Variants in WNK3 observed in about 807,000 individuals in gnomAD.
The protein encoded by WNK3 is WNK lysine deficient protein kinase 3.
Under a neutral mutation model 116.7 loss-of-function variants are expected in WNK3, and 18 were observed. That is an observed-to-expected ratio of 0.15 (90% CI 0.11 to 0.23). The LOEUF is 0.23. Among genes scored for constraint, WNK3 ranks in the 10% least tolerant of loss-of-function variants. The pLI is 1.00. For synonymous variants in WNK3, 404 were observed against 469.4 expected, an observed-to-expected ratio of 0.86 and a Z score of 1.80; for missense variants, 993 against 1,323.8, an observed-to-expected ratio of 0.75 and a Z score of 3.88.
exon 2 of WNK3, chrX:54,333,454 A>G: frequency 8.3e-7 from 1 of 1,211,461 alleles, no homozygotes. Flanking sequence ...TTGGGGGATG[A>G]TTCGGCAACT....
intron 1 of WNK3, among the ~76,000 whole-genome samples, chrX:54,354,085 CA>C (rs369686953): frequency 0.032 from 2,180 of 69,098 alleles, 45 homozygotes; most frequent in African/African-American, 0.099. Context: ...AACTCTGTCT[CA>C]AAAAAAAAAA....
chrX:54,272,445 G>GA (rs1266346307), intron 10 of WNK3, among the ~76,000 whole-genome samples: 4 of 94,757 alleles, frequency 4.2e-5, no homozygotes, highest in Non-Finnish European at 6.4e-5. Flanking sequence ...TATCTCAAAA[G>GA]AAAAAAAAAA....
At chrX:54,194,476 T>C (rs2067426526) in exon 24 of WNK3, 1 of 112,326 alleles carries the variant, frequency 8.9e-6, no homozygotes, top group African/African-American at 3.2e-5. Context: ...TGCAAAGTTA[T>C]AGGCACTGGA....
At chrX:54,297,736 C>T (rs1371474914) in intron 7 of WNK3, among the ~76,000 whole-genome samples, 1 of 111,083 alleles carries the variant, frequency 9.0e-6, no homozygotes, top group Non-Finnish European at 1.9e-5. Context: ...AAATTTAATA[C>T]ACTGTCACAG....
At chrX:54,232,002 T>C (rs1413991525) in intron 21 of WNK3, among the ~76,000 whole-genome samples, 1 of 110,029 alleles carries the variant, frequency 9.1e-6, no homozygotes, top group Non-Finnish European at 1.9e-5. Flanking sequence ...TAAAGATCTC[T>C]TCAGATAAGA....
At chrX:54,246,536 C>T (rs1421211582) in intron 17 of WNK3, among the ~76,000 whole-genome samples, 4 of 110,462 alleles carry the variant, frequency 3.6e-5, no homozygotes, top group Admixed American at 2.9e-4. Context: ...AAATAGTTAC[C>T]GGAGCTGAAA....
chrX:54,284,918 C>T (rs1307076773), intron 10 of WNK3, among the ~76,000 whole-genome samples: 2 of 108,892 alleles, frequency 1.8e-5, no homozygotes, highest in African/African-American at 3.4e-5. Flanking sequence ...TGCAGTGAGC[C>T]GAGATCAAGC....
intron 2 of WNK3, among the ~76,000 whole-genome samples, chrX:54,318,253 G>A (rs1280334924): frequency 9.2e-6 from 1 of 108,199 alleles, no homozygotes; most frequent in Non-Finnish European, 1.9e-5. Context: ...CCAGCAACTC[G>A]GGAGGCTGAG....
rs1277990369 is a variant in WNK3 at position 54,213,572 on chromosome X, A to C, written c.4871-11379T>G. 2.3e-4 allele frequency among the ~76,000 whole-genome samples: 24 copies of C among 104,715 alleles called. 1 individual carries two copies. Among genetic ancestry groups the C allele is most frequent in the Admixed American group, 1.3e-3 (13 of 9,767 alleles). The allele number at this position is 104,715 out of a possible 115,157, so 90.9% of individuals were successfully genotyped here. On this transcript the variant is annotated intron_variant, in intron 22 of 23. Transcript: ENST00000354646. ...CCGTCTCAAAAAAAAAAACAAACAA[A>C]AAAAAAAAAACTAGGGGAAAAAAAT...
chrX:54,270,027 T>C (rs1394993119), intron 10 of WNK3, among the ~76,000 whole-genome samples: 2 of 112,028 alleles, frequency 1.8e-5, no homozygotes, highest in African/African-American at 3.2e-5. Context: ...GGTAGGATCA[T>C]AGGTAACTTT....
intron 22 of WNK3, among the ~76,000 whole-genome samples, chrX:54,218,295 G>A (rs1209625804): frequency 9.0e-6 from 1 of 110,843 alleles, no homozygotes; most frequent in African/African-American, 3.3e-5. Context: ...ACTGATCTCC[G>A]CATATACCAA....
chrX:54,293,957 G>A (rs2147112614), intron 8 of WNK3, among the ~76,000 whole-genome samples: 1 of 111,849 alleles, frequency 8.9e-6, no homozygotes, highest in South Asian at 3.7e-4. Flanking sequence ...CGGGTAGATG[G>A]CTTGAGCCCA....
chrX:54,225,973 T>C (rs868969885), intron 22 of WNK3, among the ~76,000 whole-genome samples: 8 of 109,338 alleles, frequency 7.3e-5, no homozygotes, highest in African/African-American at 2.7e-4. Flanking sequence ...GAATTAAGAT[T>C]ACAGAAATAT....
At chrX:54,213,570 A>C (rs141880277) in intron 22 of WNK3, among the ~76,000 whole-genome samples, 14,584 of 86,811 alleles carry the variant, frequency 0.17, 1,429 homozygotes, top group Non-Finnish European at 0.22. Flanking sequence ...AAAAACAAAC[A>C]AAAAAAAAAA....
chrX:54,305,782 G>A (rs1217149703), intron 5 of WNK3, among the ~76,000 whole-genome samples: 4 of 110,638 alleles, frequency 3.6e-5, no homozygotes, highest in East Asian at 2.8e-4. Context: ...GTGGCCGGGC[G>A]CAGTGGCTCA....
chrX:54,336,227 T>C (rs2069233701), intron 1 of WNK3, among the ~76,000 whole-genome samples: 1 of 110,731 alleles, frequency 9.0e-6, no homozygotes, highest in South Asian at 3.9e-4. Context: ...CAGTGAAGGC[T>C]GTGAATCGCT....
chrX:54,241,077 G>A (rs1394875423), intron 17 of WNK3, among the ~76,000 whole-genome samples: 1 of 111,519 alleles, frequency 9.0e-6, no homozygotes, highest in Admixed American at 9.6e-5. Context: ...GGGCAGCAGA[G>A]GCATGCGCCC....
rs192065443 is a variant in WNK3, at chrX:54,325,130, G to A, written c.537+8007C>T. Among the ~76,000 whole-genome samples, 17 of 111,361 alleles carry A rather than the reference G, an allele frequency of 1.5e-4. No homozygotes were observed. The East Asian group carries it at 4.5e-3, about 30-fold the overall frequency. On this transcript the variant is annotated intron_variant, in intron 2 of 23. Transcript: ENST00000354646. ...AAGTATATTAGAATGCTCACTCAACGTGTCAACCTGCTATACTCTATTGTG... is the reference window on the plus strand; with the variant it reads ...AAGTATATTAGAATGCTCACTCAACATGTCAACCTGCTATACTCTATTGTG...
At chrX:54,301,631 A>T in intron 6 of WNK3, 140 bp downstream of exon 6, 2 of 476,355 alleles carry the variant, frequency 4.2e-6, no homozygotes, top group Non-Finnish European at 7.1e-6. Flanking sequence ...ACATGCACTG[A>T]TACACTTCAA....
Sources: allele counts gnomAD v4.1 joint callset (sites outside exome capture counted in the v4.1 genomes callset), GRCh38; gene constraint gnomAD v4.1.1; transcripts MANE v1.5; gene names NCBI Gene and HGNC (gene_info 2026-07-23, HGNC 2026-07-21).